DPP6: variants seen among roughly 807,000 people sequenced by gnomAD.
The protein encoded by DPP6 is A-type potassium channel modulatory protein DPP6.
A neutral mutation model predicts 122.6 loss-of-function variants in DPP6; 69 were observed. The ratio of observed to expected loss-of-function variants is 0.56; its 90% confidence interval spans 0.46 to 0.69. The LOEUF (loss-of-function observed/expected upper bound fraction) is 0.69. DPP6 is among the 30% of genes least tolerant of loss of function. The probability of loss-of-function intolerance (pLI) is 0.00; values close to 1 mark genes in which losing one functional copy is unlikely to be tolerated. For missense variants in DPP6, 928 were observed against 1,116.9 expected, an observed-to-expected ratio of 0.83 and a Z score of 2.41; for synonymous variants, 418 against 433.1, an observed-to-expected ratio of 0.97 and a Z score of 0.43.
At chr7:154,522,272 C>T (rs1257760054) in intron 3 of DPP6, among the ~76,000 whole-genome samples, 1 of 152,184 alleles carries the variant, frequency 6.6e-6, no homozygotes, top group African/African-American at 2.4e-5. Context: ...CCACGCCTGG[C>T]CTCATTCTTA....
chr7:154,478,405 C>T (rs1822942871), intron 3 of DPP6, among the ~76,000 whole-genome samples: 1 of 152,142 alleles, frequency 6.6e-6, no homozygotes, highest in South Asian at 2.1e-4. Flanking sequence ...CCATCTATCA[C>T]CACTACCACC....
chr7:154,632,606 A>G (rs941916358), intron 5 of DPP6, among the ~76,000 whole-genome samples: 1 of 152,192 alleles, frequency 6.6e-6, no homozygotes, highest in Non-Finnish European at 1.5e-5. Flanking sequence ...CCTGTGAGAC[A>G]TAGGATGCAG....
intron 17 of DPP6, among the ~76,000 whole-genome samples, chr7:154,854,452 C>A (rs187641444): frequency 6.6e-6 from 1 of 152,038 alleles, no homozygotes; most frequent in African/African-American, 2.4e-5. Context: ...CAGTGGGAGG[C>A]GATTTTTGCT....
chr7:153,760,790 C>A, the DPP6 span, among the ~76,000 whole-genome samples: 1 of 152,272 alleles, frequency 6.6e-6, no homozygotes, highest in East Asian at 1.9e-4. Flanking sequence ...TGTCAGGGCA[C>A]CACTGCCTCC....
chr7:154,308,178 T>TG (rs1806529027), intron 1 of DPP6, among the ~76,000 whole-genome samples: 1 of 152,124 alleles, frequency 6.6e-6, no homozygotes, highest in Admixed American at 6.6e-5. Flanking sequence ...CCTTGGTATT[T>TG]GGAAACCAGG....
intron 1 of DPP6, among the ~76,000 whole-genome samples, chr7:154,016,728 A>G (rs796619065): frequency 2.0e-4 from 31 of 152,342 alleles, no homozygotes; most frequent in African/African-American, 7.0e-4. Context: ...GGGAACTTTC[A>G]TACTGTTTTC....
chr7:154,614,981 A>T (rs192924740), intron 5 of DPP6, among the ~76,000 whole-genome samples: 18 of 152,272 alleles, frequency 1.2e-4, no homozygotes, highest in African/African-American at 3.8e-4. Flanking sequence ...TGAATCTTTC[A>T]TTCAGTGCAG....
At chr7:153,971,949 C>T (rs1796040789) in intron 1 of DPP6, among the ~76,000 whole-genome samples, 1 of 147,906 alleles carries the variant, frequency 6.8e-6, no homozygotes, top group South Asian at 2.2e-4. Context: ...TGAGCTGGGG[C>T]CCTCGTAAGC....
chr7:154,413,759 A>G (rs776591960), intron 1 of DPP6, among the ~76,000 whole-genome samples: 1 of 152,188 alleles, frequency 6.6e-6, no homozygotes, highest in Non-Finnish European at 1.5e-5. Flanking sequence ...ATTATTTATA[A>G]TAATTGGAAA....
intron 5 of DPP6, among the ~76,000 whole-genome samples, chr7:154,634,713 C>G (rs1220960869): frequency 6.6e-6 from 1 of 151,704 alleles, no homozygotes; most frequent in Non-Finnish European, 1.5e-5. Context: ...CCTTCTTCTT[C>G]CTTCTTCTCT....
chr7:154,209,572 A>T (rs2150804982), intron 1 of DPP6, among the ~76,000 whole-genome samples: 1 of 151,886 alleles, frequency 6.6e-6, no homozygotes, highest in Non-Finnish European at 1.5e-5. Context: ...ACCTTTCTTC[A>T]GCTGCGACTG....
At chr7:154,231,512 A>G (rs1037746134) in intron 1 of DPP6, among the ~76,000 whole-genome samples, 1 of 152,190 alleles carries the variant, frequency 6.6e-6, no homozygotes, top group Non-Finnish European at 1.5e-5. Flanking sequence ...GCTGGGTCTA[A>G]TAGCATAAAA....
intron 1 of DPP6, among the ~76,000 whole-genome samples, chr7:154,298,123 G>C (rs909346922): frequency 6.6e-6 from 1 of 152,166 alleles, no homozygotes; most frequent in African/African-American, 2.4e-5. Flanking sequence ...TCCCAGGGAG[G>C]AAAGGATTCT....
chr7:154,304,396 A>G (rs966041556), intron 1 of DPP6, among the ~76,000 whole-genome samples: 1 of 152,148 alleles, frequency 6.6e-6, no homozygotes, highest in African/African-American at 2.4e-5. Flanking sequence ...CGGTGCAGGG[A>G]GCCAGGCAGG....
At chr7:154,310,752 T>C (rs879848254) in intron 1 of DPP6, among the ~76,000 whole-genome samples, 1 of 152,132 alleles carries the variant, frequency 6.6e-6, no homozygotes, top group Admixed American at 6.5e-5. Flanking sequence ...AGTGTTAAGA[T>C]GCTAATCACT....
intron 3 of DPP6, among the ~76,000 whole-genome samples, chr7:154,488,701 C>T (rs1338262252): frequency 6.6e-6 from 1 of 152,126 alleles, no homozygotes; most frequent in Non-Finnish European, 1.5e-5. Context: ...CGTCTCTACA[C>T]AGCCCACATA....
At chr7:153,760,070 CAT>C in the DPP6 span, among the ~76,000 whole-genome samples, 3 of 152,060 alleles carry the variant, frequency 2.0e-5, no homozygotes, top group East Asian at 5.8e-4. Flanking sequence ...GAAGTTTTAA[CAT>C]ATCTCAATGA....
Position 154,803,939 on chromosome 7 carries a change from G to C in DPP6, c.1483G>C (p.Glu495Gln). ...CGTGACCAAGATCCTAGCCTACGAT[G>C]AGAAGGGGAATAAGATGTGAGTGAG... ...WDVTKILAYD[E>Q]KGNKIYFLST... Residue 495 changes from glutamate to glutamine, a missense_variant, in exon 14 of 26, where the codon GAG (glutamate) becomes CAG (glutamine). Glu to Gln is a conservative substitution (Grantham distance 29). Coordinates refer to ENST00000377770, the MANE Select transcript of DPP6 (RefSeq NM_130797.4). 6.2e-7 allele frequency: 1 copy of C among 1,613,780 alleles called. No homozygotes were observed. The highest frequency in any genetic ancestry group is 8.5e-7 in the Non-Finnish European group (1 of 1,179,800).
intron 3 of DPP6, among the ~76,000 whole-genome samples, chr7:154,523,852 A>C (rs926811333): frequency 3.9e-5 from 6 of 152,144 alleles, no homozygotes; most frequent in African/African-American, 1.4e-4. Context: ...TGACCACCAA[A>C]TTTCTCTATT....
Sources: gnomAD v4.1 joint callset for allele counts (sites outside exome capture counted in the v4.1 genomes callset) on GRCh38, gnomAD v4.1.1 for gene constraint, MANE v1.5 for transcripts, NCBI Gene and HGNC (gene_info 2026-07-23, HGNC 2026-07-21) for gene names.